Variants in NBEA observed in about 807,000 individuals in gnomAD.
NBEA encodes lysosomal-trafficking regulator 2.
In NBEA, 44 loss-of-function variants were observed where a neutral mutation model predicts 343.4. That is an observed-to-expected ratio of 0.13 (90% confidence interval 0.10 to 0.16). The LOEUF (loss-of-function observed/expected upper bound fraction) is 0.16, where lower values mean the gene tolerates loss of function less well. NBEA is among the 10% of genes least tolerant of loss of function. The pLI, the probability that NBEA is intolerant of heterozygous loss-of-function variation, is 1.00. For synonymous variants in NBEA, 1,175 were observed against 1,238.7 expected, an observed-to-expected ratio of 0.95 and a Z score of 1.08; for missense variants, 2,555 against 3,631.3, an observed-to-expected ratio of 0.70 and a Z score of 7.62.
chr13:35,669,670 G>A (rs950741261), intron 58 of NBEA, among the ~76,000 whole-genome samples: 1 of 152,302 alleles, frequency 6.6e-6, no homozygotes, highest in South Asian at 2.1e-4. Flanking sequence ...ATTTGTGTTT[G>A]TAAGCAGTTT....
At chr13:35,483,350 A>C (rs2076190066) in intron 41 of NBEA, among the ~76,000 whole-genome samples, 1 of 151,976 alleles carries the variant, frequency 6.6e-6, no homozygotes, top group Admixed American at 6.6e-5. Context: ...CTAGAGAAAG[A>C]AATGTCAAGA....
chr13:35,193,419 TTTAG>T (rs920499967), intron 30 of NBEA, among the ~76,000 whole-genome samples: 2 of 151,926 alleles, frequency 1.3e-5, no homozygotes, highest in Non-Finnish European at 2.9e-5. Flanking sequence ...TGATTCAAAA[TTTAG>T]TTAATTATTT....
At chr13:34,990,480 C>G (rs2060712806) in intron 1 of NBEA, among the ~76,000 whole-genome samples, 1 of 151,084 alleles carries the variant, frequency 6.6e-6, no homozygotes, top group South Asian at 2.1e-4. Context: ...ATCTGGGGCC[C>G]TTTTAGCCAC....
At chr13:35,266,839 C>T (rs1594006484) in intron 34 of NBEA, among the ~76,000 whole-genome samples, 2 of 151,860 alleles carry the variant, frequency 1.3e-5, no homozygotes, top group African/African-American at 4.8e-5. Context: ...GTGCTGACCA[C>T]GTGTGCAGTT....
chr13:35,483,901 T>C (rs17816450), intron 41 of NBEA, among the ~76,000 whole-genome samples: 4,386 of 152,122 alleles, frequency 0.029, 116 homozygotes, highest in Non-Finnish European at 0.046. Flanking sequence ...GTGTTTAAGA[T>C]AGCAAAAGAT....
chr13:35,475,064 G>A, intron 41 of NBEA: 1 of 1,611,446 alleles, frequency 6.2e-7, no homozygotes. Flanking sequence ...ATCCTCTAAA[G>A]TTTTTCCAAA....
At chr13:35,070,196 A>C (rs990244475) in intron 9 of NBEA, 91 bp downstream of exon 9, 1 of 1,269,866 alleles carries the variant, frequency 7.9e-7, no homozygotes, top group African/African-American at 1.5e-5. Context: ...CTATAAATCT[A>C]TGATTTTTTT....
chr13:35,508,058 A>G (rs919027537), intron 41 of NBEA, among the ~76,000 whole-genome samples: 3 of 152,194 alleles, frequency 2.0e-5, no homozygotes, highest in African/African-American at 4.8e-5. Flanking sequence ...GATAGGAATT[A>G]TTATCTCAAT....
intron 41 of NBEA, among the ~76,000 whole-genome samples, chr13:35,514,229 A>G (rs993458715): frequency 6.6e-6 from 1 of 152,174 alleles, no homozygotes; most frequent in Non-Finnish European, 1.5e-5. Context: ...TTTGCTGCTC[A>G]GTAGTTTGAT....
At position 35,671,186 on chromosome 13, in the gene NBEA, A is replaced by G. The variant is rs1406161413; in HGVS notation, c.*195A>G. ...TTTTCACGACTGAACACCAGCTGCT[A>G]TCAAGCAAGCTTATATCATGTAAAT... On this transcript the variant is annotated 3_prime_UTR_variant, in exon 59 of 59. Coordinates refer to ENST00000379939, the MANE Select transcript of NBEA (RefSeq NM_001385012.1). 1.8e-6 allele frequency: 1 copy of G among 544,650 alleles called. No homozygotes were observed. The highest frequency in any genetic ancestry group is 1.9e-5 in the African/African-American group (1 of 53,314). The allele number at this position is 544,650 out of a possible 1,614,324, so 33.7% of individuals were successfully genotyped here. A position where few individuals can be genotyped will look rare whatever the true frequency, so the allele number is the denominator to read the frequency against.
chr13:35,286,057 T>A (rs907793026), intron 34 of NBEA, among the ~76,000 whole-genome samples: 4 of 152,118 alleles, frequency 2.6e-5, no homozygotes, highest in Non-Finnish European at 2.9e-5. Flanking sequence ...CCCCATAACT[T>A]CTTCTCCTAG....
At chr13:34,945,510 AG>A (rs1434317390) in intron 1 of NBEA, among the ~76,000 whole-genome samples, 1 of 152,138 alleles carries the variant, frequency 6.6e-6, no homozygotes, top group African/African-American at 2.4e-5. Context: ...AAATTCATAT[AG>A]GACACTCAGT....
chr13:35,340,442 A>G (rs1023382039), intron 36 of NBEA, among the ~76,000 whole-genome samples: 7 of 152,092 alleles, frequency 4.6e-5, no homozygotes, highest in African/African-American at 1.7e-4. Context: ...GATGGTGGCC[A>G]AGGGCTGAGG....
At chr13:35,316,752 A>G (rs1480169952) in intron 36 of NBEA, among the ~76,000 whole-genome samples, 1 of 152,164 alleles carries the variant, frequency 6.6e-6, no homozygotes, top group Non-Finnish European at 1.5e-5. Context: ...CTATTTCTCC[A>G]TATCCTCTCC....
At chr13:35,255,178 C>T (rs572787277) in intron 34 of NBEA, among the ~76,000 whole-genome samples, 3 of 152,236 alleles carry the variant, frequency 2.0e-5, no homozygotes, top group Admixed American at 2.0e-4. Context: ...TTTTTTTCCC[C>T]ACTGAATGGT....
At chr13:35,547,759 C>T (rs745738965) in intron 41 of NBEA, among the ~76,000 whole-genome samples, 12 of 151,940 alleles carry the variant, frequency 7.9e-5, no homozygotes, top group Admixed American at 3.9e-4. Context: ...GGTAATGGCA[C>T]GCATCTGTAA....
chr13:35,110,429 C>T (rs886776469), intron 12 of NBEA, among the ~76,000 whole-genome samples: 1 of 152,016 alleles, frequency 6.6e-6, no homozygotes, highest in African/African-American at 2.4e-5. Flanking sequence ...TATGCTTTAG[C>T]TGACTGATGT....
intron 1 of NBEA, among the ~76,000 whole-genome samples, chr13:34,969,370 G>A (rs1472094731): frequency 1.3e-5 from 2 of 150,700 alleles, no homozygotes; most frequent in Non-Finnish European, 3.0e-5. Flanking sequence ...TTTCTGGCTT[G>A]ATAGTTTTAT....
rs764867943 is a variant in NBEA at position 35,628,240 on chromosome 13, C to G, written c.7609C>G (p.Leu2537Val). 6.3e-6 allele frequency: 10 copies of G among 1,599,148 alleles called. No individual in the cohort carries two copies. In the Admixed American group the frequency reaches 7.0e-5, roughly 11 times the overall value. ...VNLDSITDPV[L>V]REIPEAYFIR... ...CCTGGATAGTATCACTGATCCTGTG[C>G]TCAGGGAGGTAGGTGTTAAATCCCA... The change falls in exon 49 of 59, where the codon CTC becomes GTC. Residue 2537 changes from leucine to valine, a missense_variant. Coordinates refer to ENST00000379939, the MANE Select transcript of NBEA (RefSeq NM_001385012.1).
Sources: allele counts gnomAD v4.1 joint callset (sites outside exome capture counted in the v4.1 genomes callset), GRCh38; gene constraint gnomAD v4.1.1; transcripts MANE v1.5; gene names NCBI Gene and HGNC (gene_info 2026-07-23, HGNC 2026-07-21).